Variants in FAAH2 observed in about 807,000 individuals in gnomAD.
FAAH2 encodes fatty acid amide hydrolase 2, also known as fatty-acid amide hydrolase 2.
FAAH2 carries 60 observed loss-of-function variants against 36.9 expected under a neutral mutation model. That is an observed-to-expected ratio of 1.63 (90% CI 1.32 to 2.02). The LOEUF is 2.02. Ranked by LOEUF, FAAH2 falls within the 30% of genes most tolerant of loss-of-function variation. The probability of loss-of-function intolerance (pLI) is 0.00; values close to 1 mark genes in which losing one functional copy is unlikely to be tolerated. For missense variants in FAAH2, 689 were observed against 397.5 expected, an observed-to-expected ratio of 1.73 and a Z score of -6.23; for synonymous variants, 214 against 143.8, an observed-to-expected ratio of 1.49 and a Z score of -3.49.
In FAAH2 at chrX:57,331,738, T is replaced by A. The variant is rs1602303492; in HGVS notation, c.553T>A (p.Ser185Thr). The A allele has an allele frequency of 1.7e-6, 2 of 1,211,287 alleles. No homozygotes were observed. Among genetic ancestry groups the A allele is most frequent in the Non-Finnish European group, 2.2e-6 (2 of 895,405 alleles). ...TAGTGAGTTGTGTATGTGGTATGAA[T>A]CCAGTAACAAGATCTATGGCCGATC... ...NCSELCMWYE[S>T]SNKIYGRSNN... The change falls in exon 4 of 11, where the codon TCC becomes ACC. Residue 185 changes from serine to threonine, a missense_variant. Ser to Thr is a moderately conservative substitution (Grantham distance 58, BLOSUM62 1). Transcript: ENST00000374900.
the FAAH2 span, among the ~76,000 whole-genome samples, chrX:57,221,016 G>T: frequency 9.0e-6 from 1 of 111,649 alleles, no homozygotes; most frequent in African/African-American, 3.3e-5. Flanking sequence ...ATTAATACCA[G>T]GCAACCTACT....
chrX:57,434,638 T>C (rs2056372609), intron 8 of FAAH2, among the ~76,000 whole-genome samples: 1 of 110,109 alleles, frequency 9.1e-6, no homozygotes, highest in African/African-American at 3.3e-5. Flanking sequence ...AAGATGAGTG[T>C]GCAAAAATAA....
the FAAH2 span, among the ~76,000 whole-genome samples, chrX:57,258,161 T>A: frequency 9.0e-6 from 1 of 111,488 alleles, no homozygotes; most frequent in Non-Finnish European, 1.9e-5. Flanking sequence ...GGCATATTGA[T>A]TTTTCATTAA....
intron 5 of FAAH2, among the ~76,000 whole-genome samples, chrX:57,353,223 A>T (rs1168417213): frequency 9.1e-6 from 1 of 110,172 alleles, no homozygotes; most frequent in African/African-American, 3.3e-5. Flanking sequence ...TAAGCAAAAC[A>T]ACATGGTTCT....
Position 57,472,815 on chromosome X carries a change from T to C in FAAH2, c.1424-15942T>C, listed in dbSNP as rs184946494. Among the ~76,000 whole-genome samples the C allele has an allele frequency of 3.5e-4, 39 of 111,512 alleles. 1 individual carries two copies. Among genetic ancestry groups the C allele is most frequent in the African/African-American group, 1.3e-3 (39 of 30,803 alleles). On this transcript the variant is annotated intron_variant, in intron 10 of 10. Coordinates refer to ENST00000374900, the MANE Select transcript of FAAH2 (RefSeq NM_174912.4). Reference sequence around the variant, plus strand: ...GATTTTCTAGTTTGTGTGCATAGAATTGTCCATATTAGTCCCTGATTGTCT... The same window carrying C: ...GATTTTCTAGTTTGTGTGCATAGAACTGTCCATATTAGTCCCTGATTGTCT...
intron 7 of FAAH2, among the ~76,000 whole-genome samples, chrX:57,421,031 G>T (rs1272351512): frequency 8.9e-6 from 1 of 112,313 alleles, no homozygotes; most frequent in Non-Finnish European, 1.9e-5. Context: ...TAATCAACCT[G>T]CATTATTTCC....
chrX:57,447,879 A>G (rs1316595225), intron 9 of FAAH2, among the ~76,000 whole-genome samples: 1 of 112,417 alleles, frequency 8.9e-6, no homozygotes, highest in African/African-American at 3.2e-5. Context: ...TTGGAGATTA[A>G]CATTTGGATC....
At chrX:57,228,112 G>A in the FAAH2 span, among the ~76,000 whole-genome samples, 1 of 112,149 alleles carries the variant, frequency 8.9e-6, no homozygotes, top group African/African-American at 3.2e-5. Flanking sequence ...CCCCACCTGT[G>A]AAGTCTGCAA....
intron 7 of FAAH2, among the ~76,000 whole-genome samples, chrX:57,408,845 T>A (rs958016191): frequency 1.1e-4 from 12 of 111,776 alleles, no homozygotes; most frequent in African/African-American, 3.9e-4. Context: ...TTATCCTTCA[T>A]TCTGGTAATG....
At chrX:57,448,486 T>A (rs1307955934) in intron 9 of FAAH2, 38 bp from the exon 10 acceptor site, 1 of 1,130,038 alleles carries the variant, frequency 8.8e-7, no homozygotes, top group Non-Finnish European at 1.2e-6. Flanking sequence ...TAAAATGAAG[T>A]TTATTACCTT....
intron 3 of FAAH2, among the ~76,000 whole-genome samples, chrX:57,328,815 T>A (rs1422385955): frequency 1.8e-5 from 2 of 111,601 alleles, no homozygotes; most frequent in African/African-American, 6.5e-5. Flanking sequence ...TTCTGGAACA[T>A]TTAAAGTGGC....
the FAAH2 span, chrX:57,121,600 T>G: frequency 8.9e-6 from 1 of 112,497 alleles, no homozygotes; most frequent in East Asian, 2.8e-4. Context: ...CCTCTTCCTG[T>G]CAAACACCCG....
In FAAH2 at chrX:57,366,003, C is replaced by T. The variant is rs774394782; in HGVS notation, c.743-12648C>T. Among the ~76,000 whole-genome samples, 13 of 112,043 alleles carry T rather than the reference C, an allele frequency of 1.2e-4. No individual in the cohort carries two copies. The South Asian group carries it at 1.8e-3, about 16-fold the overall frequency. On this transcript the variant is annotated intron_variant, in intron 5 of 10. Transcript: ENST00000374900. ...GTTTCTCTTGTATGTTGATGAGCTT[C>T]CTTGCTGTCCAGATTCTAATTTCTA...
At chrX:57,400,306 A>T (rs1602537329) in intron 7 of FAAH2, among the ~76,000 whole-genome samples, 1 of 112,386 alleles carries the variant, frequency 8.9e-6, no homozygotes, top group Middle Eastern at 4.6e-3. Context: ...TACTGCTGCC[A>T]CTACCCATAA....
rs146496588 is a variant in FAAH2 at position 57,373,389 on chromosome X, CT to C, written c.743-5250del. The stretch of plus-strand genomic sequence containing the variant: ...TTTTTCAATGCATCCATGCCAACAT[CT>C]TTTTTTTTTTTATTTGATTATGGCC... On this transcript the variant is annotated intron_variant, in intron 5 of 10. Coordinates refer to ENST00000374900, the MANE Select transcript of FAAH2 (RefSeq NM_174912.4). Among the ~76,000 whole-genome samples the C allele has an allele frequency of 1.7e-3, 173 of 101,656 alleles. 2 individuals are homozygous for C. The highest frequency in any genetic ancestry group is 5.2e-3 in the African/African-American group (148 of 28,433). 88.3% of individuals were successfully genotyped at this position (101,656 alleles called of 115,157 possible). A position where few individuals can be genotyped will look rare whatever the true frequency, so the allele number is the denominator to read the frequency against.
At chrX:57,419,598 A>G (rs1250087153) in intron 7 of FAAH2, among the ~76,000 whole-genome samples, 1 of 111,070 alleles carries the variant, frequency 9.0e-6, no homozygotes, top group African/African-American at 3.3e-5. Flanking sequence ...GTTTGAGTTC[A>G]TTGTAGATTC....
At chrX:57,210,169 T>C in the FAAH2 span, among the ~76,000 whole-genome samples, 1 of 111,428 alleles carries the variant, frequency 9.0e-6, no homozygotes, top group Admixed American at 9.5e-5. Flanking sequence ...ATGAAGGCAC[T>C]TTCATTTGTA....
chrX:57,303,862 T>C (rs1433593672), intron 2 of FAAH2, among the ~76,000 whole-genome samples: 1 of 112,105 alleles, frequency 8.9e-6, no homozygotes, highest in Non-Finnish European at 1.9e-5. Flanking sequence ...TTACCTCTAA[T>C]TTACACCTAT....
At chrX:57,222,173 C>T in the FAAH2 span, among the ~76,000 whole-genome samples, 1 of 111,380 alleles carries the variant, frequency 9.0e-6, no homozygotes, top group African/African-American at 3.3e-5. Context: ...AAAAAAATCT[C>T]TCTTTTCTAG....
Sources: gnomAD v4.1 joint callset for allele counts (sites outside exome capture counted in the v4.1 genomes callset) on GRCh38, gnomAD v4.1.1 for gene constraint, MANE v1.5 for transcripts, NCBI Gene and HGNC (gene_info 2026-07-23, HGNC 2026-07-21) for gene names.